The following BTBD7 variants were observed in gnomAD, a reference collection of about 807,000 sequenced individuals.
BTBD7 encodes the protein BTB domain containing 7.
Under a neutral mutation model 99.9 loss-of-function variants are expected in BTBD7, and 38 were observed. That is an observed-to-expected ratio of 0.38 (90% CI 0.29 to 0.50). The LOEUF (loss-of-function observed/expected upper bound fraction) is 0.50. BTBD7 is among the 20% of genes least tolerant of loss of function. BTBD7 has a pLI of 0.93. For missense variants in BTBD7, 1,170 were observed against 1,394.6 expected (o/e 0.84, Z 2.57); for synonymous variants, 520 against 511.4 (o/e 1.02, Z -0.23).
intron 2 of BTBD7, among the ~76,000 whole-genome samples, chr14:93,295,576 G>A (rs1389513981): frequency 2.6e-5 from 4 of 152,170 alleles, no homozygotes; most frequent in African/African-American, 9.7e-5. Flanking sequence ...AATAGGCAGA[G>A]TTGTAAATTA....
At chr14:93,261,559 T>G in intron 5 of BTBD7, 43 bp downstream of exon 5, 2 of 1,466,804 alleles carry the variant, frequency 1.4e-6, no homozygotes, top group South Asian at 1.1e-5. Flanking sequence ...AACCACCAAA[T>G]TTTACACAAG....
intron 1 of BTBD7, among the ~76,000 whole-genome samples, chr14:93,310,982 TA>T (rs1011599698): frequency 6.6e-6 from 1 of 151,742 alleles, no homozygotes; most frequent in Non-Finnish European, 1.5e-5. Context: ...AAAAATTCTA[TA>T]AAAAAAACTC....
At chr14:93,273,306 A>T (rs1220045610) in intron 3 of BTBD7, among the ~76,000 whole-genome samples, 1 of 152,190 alleles carries the variant, frequency 6.6e-6, no homozygotes, top group African/African-American at 2.4e-5. Context: ...CTGGATTAAC[A>T]ACTTTAGAGG....
intron 3 of BTBD7, among the ~76,000 whole-genome samples, chr14:93,289,335 A>T (rs951238600): frequency 3.3e-5 from 5 of 152,216 alleles, no homozygotes; most frequent in Admixed American, 6.5e-5. Context: ...AAAGGGTCTG[A>T]TCCCTCAGTA....
At chr14:93,301,672 G>C (rs903256979) in intron 1 of BTBD7, among the ~76,000 whole-genome samples, 1 of 152,106 alleles carries the variant, frequency 6.6e-6, no homozygotes, top group African/African-American at 2.4e-5. Flanking sequence ...CTGGGCAAAA[G>C]AGTGAGACTT....
chr14:93,321,336 T>C (rs1025229647), intron 1 of BTBD7, among the ~76,000 whole-genome samples: 1 of 152,216 alleles, frequency 6.6e-6, no homozygotes, highest in Admixed American at 6.5e-5. Context: ...CTCACACCTA[T>C]AATCCCAGCA....
chr14:93,272,665 C>A (rs2052612661), intron 3 of BTBD7, among the ~76,000 whole-genome samples: 1 of 152,216 alleles, frequency 6.6e-6, no homozygotes, highest in Non-Finnish European at 1.5e-5. Context: ...CATCACATCA[C>A]ACCTACAAAT....
Position 93,280,416 on chromosome 14 carries a change from C to A in BTBD7, c.1162+13442G>T, listed in dbSNP as rs979132845. ...ACCAAACAAACCACTTCAGAAAAGG[C>A]TATTATGGTTGAAGATGAATATCGC... On this transcript the variant is annotated intron_variant, in intron 3 of 10. Coordinates refer to ENST00000334746, the MANE Select transcript of BTBD7 (RefSeq NM_001002860.4). Among the ~76,000 whole-genome samples the A allele has an allele frequency of 2.0e-5, 3 of 152,142 alleles. No homozygotes were observed. In the East Asian group the frequency reaches 5.8e-4, roughly 29 times the overall value.
In BTBD7 at chr14:93,242,871, T is replaced by C. The variant is rs764055509; in HGVS notation, c.2801A>G (p.Asp934Gly). ...ATATTCCTGTGGATTTTCTCTGGTG[T>C]CTGTTTTTTGCTCTAGTGTGTGTTT... is the stretch of plus-strand genomic sequence containing the variant. ...RKKHTLEQKT[D>G]TRENPQEYPD... is the part of the protein sequence containing the mutation. Residue 934 changes from aspartate to glycine, a missense_variant, in exon 11 of 11, where the codon GAC (aspartate) becomes GGC (glycine). Physicochemically the swap from Asp to Gly is moderately conservative, Grantham distance 94. Around this residue, in one of 4 missense-constraint regions of BTBD7, gnomAD observed 495 missense variants for 525.9 expected, o/e 0.94. Coordinates refer to ENST00000334746, the MANE Select transcript of BTBD7 (RefSeq NM_001002860.4). 29 of 1,613,994 alleles carry C rather than the reference T, an allele frequency of 1.8e-5. No individual in the cohort carries two copies. The highest frequency in any genetic ancestry group is 2.3e-5 in the Non-Finnish European group (27 of 1,180,022).
chr14:93,302,793 C>T (rs1051551783), intron 1 of BTBD7, among the ~76,000 whole-genome samples: 29 of 151,950 alleles, frequency 1.9e-4, no homozygotes, highest in African/African-American at 5.1e-4. Context: ...TGCAGTAAGC[C>T]GAGATCACAT....
At chr14:93,301,393 G>A (rs899963007) in intron 1 of BTBD7, among the ~76,000 whole-genome samples, 3 of 152,066 alleles carry the variant, frequency 2.0e-5, no homozygotes, top group African/African-American at 7.2e-5. Context: ...GTTTCACCAC[G>A]TTGGTCAGGC....
intron 3 of BTBD7, among the ~76,000 whole-genome samples, chr14:93,290,622 A>G (rs2139760291): frequency 6.8e-6 from 1 of 148,144 alleles, no homozygotes; most frequent in South Asian, 2.1e-4. Flanking sequence ...GGTTCAAGTA[A>G]TTCTCATGCC....
intron 1 of BTBD7, among the ~76,000 whole-genome samples, chr14:93,332,094 T>C (rs1029210291): frequency 2.0e-5 from 3 of 152,186 alleles, no homozygotes; most frequent in Non-Finnish European, 2.9e-5. Context: ...ACAACACTCC[T>C]CAGAGTTTCT....
chr14:93,285,328 TTC>T (rs2052764716), intron 3 of BTBD7, among the ~76,000 whole-genome samples: 1 of 152,218 alleles, frequency 6.6e-6, no homozygotes, highest in Non-Finnish European at 1.5e-5. Context: ...TTTCAGTTGC[TTC>T]TGTTAGATTT....
intron 3 of BTBD7, among the ~76,000 whole-genome samples, chr14:93,264,244 A>G (rs1360336975): frequency 6.6e-6 from 1 of 152,202 alleles, no homozygotes; most frequent in East Asian, 1.9e-4. Context: ...TCAAGATAAT[A>G]AACATCTATG....
chr14:93,292,615 C>A (rs1393582275), intron 3 of BTBD7, among the ~76,000 whole-genome samples: 3 of 152,072 alleles, frequency 2.0e-5, no homozygotes, highest in African/African-American at 7.2e-5. Context: ...TTTATCAACG[C>A]CTTCTTCTGT....
intron 1 of BTBD7, among the ~76,000 whole-genome samples, chr14:93,305,801 G>C (rs2053063227): frequency 2.6e-5 from 4 of 152,150 alleles, no homozygotes; most frequent in Admixed American, 1.3e-4. Flanking sequence ...TACAGTTCTG[G>C]AGGGTGGGAG....
rs192152971 is a variant in BTBD7 at position 93,323,986 on chromosome 14, G to A, written c.-107+8834C>T. On this transcript the variant is annotated intron_variant, in intron 1 of 10. Coordinates refer to ENST00000334746, the MANE Select transcript of BTBD7 (RefSeq NM_001002860.4). Reference sequence around the variant, plus strand: ...GTTCAAACCATACAGTCATGTAGAGGAGTCAGGCATACAAGCAATTATAAT... The same window carrying A: ...GTTCAAACCATACAGTCATGTAGAGAAGTCAGGCATACAAGCAATTATAAT... Among the ~76,000 whole-genome samples the A allele has an allele frequency of 1.9e-3, 295 of 152,332 alleles. 2 individuals are homozygous for A. The highest frequency in any genetic ancestry group is 6.8e-3 in the African/African-American group (282 of 41,570).
intron 10 of BTBD7, among the ~76,000 whole-genome samples, chr14:93,243,629 A>G (rs2052265809): frequency 6.6e-6 from 1 of 152,148 alleles, no homozygotes; most frequent in African/African-American, 2.4e-5. Flanking sequence ...ATACTGATGA[A>G]ATTTAGTACC....
Sources: allele counts gnomAD v4.1 joint callset (sites outside exome capture counted in the v4.1 genomes callset), GRCh38; gene constraint gnomAD v4.1.1; regional missense constraint gnomAD v4.1.1; transcripts MANE v1.5; gene names NCBI Gene and HGNC (gene_info 2026-07-23, HGNC 2026-07-21).